Variants in CNTNAP5 observed in about 807,000 individuals in gnomAD.
CNTNAP5 encodes the protein contactin-associated protein-like 5.
CNTNAP5 carries 72 observed loss-of-function variants against 150.2 expected under a neutral mutation model. The ratio of observed to expected loss-of-function variants is 0.48; its 90% CI spans 0.40 to 0.58. CNTNAP5 has a LOEUF of 0.58. Among genes scored for constraint, CNTNAP5 ranks in the 20% least tolerant of loss-of-function variants. The pLI is 0.00. For missense variants in CNTNAP5, 1,636 were observed against 1,626.2 expected (o/e 1.01, Z -0.10); for synonymous variants, 672 against 619.8 (o/e 1.08, Z -1.25).
chr2:124,856,938 T>G (rs1677387939), intron 19 of CNTNAP5, among the ~76,000 whole-genome samples: 1 of 151,994 alleles, frequency 6.6e-6, no homozygotes. Flanking sequence ...GTCCTGGGGG[T>G]CAAACCTGCA....
chr2:124,627,677 A>G (rs1677757350), intron 12 of CNTNAP5, among the ~76,000 whole-genome samples: 1 of 152,174 alleles, frequency 6.6e-6, no homozygotes, highest in African/African-American at 2.4e-5. Flanking sequence ...AATGATTGCA[A>G]CGTCTCCAGC....
chr2:124,786,419 G>GA (rs1279676806), intron 17 of CNTNAP5, among the ~76,000 whole-genome samples: 58 of 104,428 alleles, frequency 5.6e-4, no homozygotes, highest in African/African-American at 2.2e-3. Context: ...AGGAAGGAAG[G>GA]AAGGAAGGAA....
chr2:124,633,720 C>T (rs1367755959), intron 12 of CNTNAP5, among the ~76,000 whole-genome samples: 3 of 152,162 alleles, frequency 2.0e-5, no homozygotes, highest in African/African-American at 7.2e-5. Context: ...AGGGCTCTAT[C>T]CCTGGAGCAG....
At chr2:124,402,165 G>A (rs1046529493) in intron 3 of CNTNAP5, among the ~76,000 whole-genome samples, 6 of 152,120 alleles carry the variant, frequency 3.9e-5, no homozygotes, top group Non-Finnish European at 8.8e-5. Context: ...TTCTGAAGTG[G>A]CCACATCAAG....
At chr2:124,420,821 A>C (rs529116235) in intron 4 of CNTNAP5, among the ~76,000 whole-genome samples, 1 of 152,258 alleles carries the variant, frequency 6.6e-6, no homozygotes, top group South Asian at 2.1e-4. Context: ...ACAATTGTAT[A>C]AGCCAATTCC....
intron 17 of CNTNAP5, among the ~76,000 whole-genome samples, chr2:124,779,878 G>T (rs769748712): frequency 3.3e-5 from 5 of 152,070 alleles, no homozygotes; most frequent in Non-Finnish European, 5.9e-5. Context: ...CACACAATAC[G>T]CCTGATTATA....
intron 17 of CNTNAP5, among the ~76,000 whole-genome samples, chr2:124,782,068 TATA>T (rs1230181143): frequency 6.6e-6 from 1 of 152,200 alleles, no homozygotes; most frequent in Admixed American, 6.5e-5. Context: ...ATTTCTTTTT[TATA>T]ATACCTCCAC....
At chr2:124,743,960 G>A (rs541237002) in intron 13 of CNTNAP5, among the ~76,000 whole-genome samples, 1 of 152,292 alleles carries the variant, frequency 6.6e-6, no homozygotes, top group South Asian at 2.1e-4. Flanking sequence ...CGTGGCCTAT[G>A]AGTTTTGTTC....
At chr2:124,361,684 G>A (rs1004980850) in intron 3 of CNTNAP5, among the ~76,000 whole-genome samples, 26 of 147,232 alleles carry the variant, frequency 1.8e-4, no homozygotes, top group East Asian at 3.9e-4. Context: ...CTCCAGCTGC[G>A]TGCTGGGAGA....
At chr2:124,573,814 C>T (rs1209713503) in intron 11 of CNTNAP5, among the ~76,000 whole-genome samples, 1 of 152,114 alleles carries the variant, frequency 6.6e-6, no homozygotes, top group African/African-American at 2.4e-5. Context: ...TGGTATCAGA[C>T]AAATTATTTA....
intron 17 of CNTNAP5, among the ~76,000 whole-genome samples, chr2:124,775,065 G>A (rs1681291493): frequency 6.6e-6 from 1 of 152,142 alleles, no homozygotes; most frequent in Non-Finnish European, 1.5e-5. Context: ...CATCTCAGAT[G>A]TTACTCTGCT....
At chr2:124,213,350 T>A (rs1407812714) in intron 1 of CNTNAP5, among the ~76,000 whole-genome samples, 1 of 152,158 alleles carries the variant, frequency 6.6e-6, no homozygotes, top group African/African-American at 2.4e-5. Context: ...AACATAATAT[T>A]TGGATAGTCA....
chr2:124,815,455 A>C (rs1253782469), intron 19 of CNTNAP5, among the ~76,000 whole-genome samples: 1 of 152,198 alleles, frequency 6.6e-6, no homozygotes, highest in Non-Finnish European at 1.5e-5. Context: ...AGGCAGAGGC[A>C]ATAAATCAAG....
chr2:124,083,710 T>G (rs1305603237), intron 1 of CNTNAP5, among the ~76,000 whole-genome samples: 1 of 152,140 alleles, frequency 6.6e-6, no homozygotes, highest in Non-Finnish European at 1.5e-5. Context: ...GCTGTAGACA[T>G]AAGTTTTAAA....
chr2:124,427,978 T>G (rs1692279484), intron 4 of CNTNAP5, among the ~76,000 whole-genome samples: 2 of 152,210 alleles, frequency 1.3e-5, no homozygotes, highest in East Asian at 3.9e-4. Flanking sequence ...GGTCTTACAT[T>G]CTGTATTTCT....
At chr2:124,538,641 AAG>A (rs940405375) in intron 10 of CNTNAP5, among the ~76,000 whole-genome samples, 8 of 151,934 alleles carry the variant, frequency 5.3e-5, no homozygotes, top group African/African-American at 1.9e-4. Flanking sequence ...AAGAATAAGA[AAG>A]AAAGGAAAAA....
intron 13 of CNTNAP5, among the ~76,000 whole-genome samples, chr2:124,742,078 T>C (rs1680507961): frequency 6.6e-6 from 1 of 151,782 alleles, no homozygotes; most frequent in South Asian, 2.1e-4. Context: ...ACAGTGAAGA[T>C]ATTTGGACTT....
chr2:124,756,324 A>G (rs1422500936), intron 14 of CNTNAP5, among the ~76,000 whole-genome samples: 1 of 152,210 alleles, frequency 6.6e-6, no homozygotes. Flanking sequence ...GTGGGAGTGT[A>G]AATTAGTTCA....
chr2:124,485,447 A>T (rs1558922710), intron 7 of CNTNAP5, among the ~76,000 whole-genome samples: 1 of 151,838 alleles, frequency 6.6e-6, no homozygotes, highest in African/African-American at 2.4e-5. Flanking sequence ...CCCCGTATCT[A>T]CTAAAAATAC....
Sources: gnomAD v4.1 joint callset for allele counts (sites outside exome capture counted in the v4.1 genomes callset) on GRCh38, gnomAD v4.1.1 for gene constraint, MANE v1.5 for transcripts, NCBI Gene and HGNC (gene_info 2026-07-23, HGNC 2026-07-21) for gene names.